ADAMTS12: variants seen among roughly 807,000 people sequenced by gnomAD.
The protein encoded by ADAMTS12 is A disintegrin and metalloproteinase with thrombospondin motifs 12.
A neutral mutation model predicts 167.8 loss-of-function variants in ADAMTS12; 118 were observed. That is an observed-to-expected ratio of 0.70 (90% CI 0.61 to 0.82). The LOEUF is 0.82. Among genes scored for constraint, ADAMTS12 ranks in the 40% least tolerant of loss-of-function variants. The pLI, the probability that ADAMTS12 is intolerant of heterozygous loss-of-function variation, is 0.00. For missense variants in ADAMTS12, 1,916 were observed against 1,998.8 expected, an observed-to-expected ratio of 0.96 and a Z score of 0.79; for synonymous variants, 704 against 716.9, an observed-to-expected ratio of 0.98 and a Z score of 0.29.
At chr5:33,799,077 A>T (rs980074599) in intron 2 of ADAMTS12, among the ~76,000 whole-genome samples, 6 of 152,102 alleles carry the variant, frequency 3.9e-5, no homozygotes, top group African/African-American at 1.4e-4. Flanking sequence ...CAAATATACA[A>T]GCAGTGGCTC....
chr5:33,834,574 C>T (rs1038121031), intron 2 of ADAMTS12, among the ~76,000 whole-genome samples: 1 of 152,130 alleles, frequency 6.6e-6, no homozygotes, highest in Non-Finnish European at 1.5e-5. Flanking sequence ...GCTTGCATTC[C>T]GAAAGGCCAG....
intron 22 of ADAMTS12, among the ~76,000 whole-genome samples, chr5:33,541,580 G>A (rs1012013174): frequency 6.6e-6 from 1 of 152,210 alleles, no homozygotes; most frequent in South Asian, 2.1e-4. Context: ...AGGGGAGCCA[G>A]AGAGAAAGGT....
intron 2 of ADAMTS12, among the ~76,000 whole-genome samples, chr5:33,758,273 CCT>C (rs1194832304): frequency 6.6e-6 from 1 of 152,066 alleles, no homozygotes; most frequent in Non-Finnish European, 1.5e-5. Context: ...AAAGCTACCC[CCT>C]GTCATACTGG....
At chr5:33,682,956 G>GA in intron 5 of ADAMTS12, 62 bp downstream of exon 5, 3 of 1,434,258 alleles carry the variant, frequency 2.1e-6, no homozygotes, top group African/African-American at 1.4e-5. Flanking sequence ...GAACTCCCCT[G>GA]AAAAAAAGAA....
intron 2 of ADAMTS12, among the ~76,000 whole-genome samples, chr5:33,865,256 T>C (rs1413280143): frequency 6.6e-6 from 1 of 151,942 alleles, no homozygotes; most frequent in African/African-American, 2.4e-5. Flanking sequence ...AATCCAACAG[T>C]ATATCAGAAA....
rs770477406 is a variant in ADAMTS12, at chr5:33,641,836, G to A, written c.1692C>T (p.Ser564=). The part of the protein sequence containing the change: ...CSRTCGAGVQ[S]AERLCNNPEP... ...CGGGGTTGTTGCAGAGCCTCTCTGC[G>A]CTCTGGACTCCAGCCCCACAGGTCC... The change falls in exon 11 of 24, where the codon AGC becomes AGT. Residue 564 remains serine, a synonymous_variant. Coordinates refer to ENST00000504830, the MANE Select transcript of ADAMTS12 (RefSeq NM_030955.4). 23 of 1,612,686 alleles carry A rather than the reference G, an allele frequency of 1.4e-5. No homozygotes were observed. Among genetic ancestry groups the A allele is most frequent in the South Asian group, 7.7e-5 (7 of 90,888 alleles).
At chr5:33,866,718 G>A (rs1749836509) in intron 2 of ADAMTS12, among the ~76,000 whole-genome samples, 1 of 151,758 alleles carries the variant, frequency 6.6e-6, no homozygotes, top group African/African-American at 2.4e-5. Flanking sequence ...CCAATGTCCA[G>A]AATCTACAAG....
intron 3 of ADAMTS12, among the ~76,000 whole-genome samples, chr5:33,719,734 A>C (rs1480933570): frequency 6.6e-6 from 1 of 152,240 alleles, no homozygotes; most frequent in Admixed American, 6.5e-5. Flanking sequence ...CTGGAACTTA[A>C]GTCTATTTAT....
At chr5:33,626,935 AATG>A (rs1185955572) in intron 13 of ADAMTS12, among the ~76,000 whole-genome samples, 4 of 135,050 alleles carry the variant, frequency 3.0e-5, no homozygotes, top group African/African-American at 8.5e-5. Context: ...TGGTAGTAGT[AATG>A]ATGATTTGCT....
intron 2 of ADAMTS12, among the ~76,000 whole-genome samples, chr5:33,815,265 T>C (rs900427526): frequency 1.3e-5 from 2 of 152,140 alleles, no homozygotes; most frequent in Non-Finnish European, 2.9e-5. Context: ...ATTAAAGTCA[T>C]AGATTGAAGC....
chr5:33,824,798 G>C (rs188481132), intron 2 of ADAMTS12, among the ~76,000 whole-genome samples: 2 of 152,246 alleles, frequency 1.3e-5, no homozygotes, highest in East Asian at 3.9e-4. Flanking sequence ...GCTCTGTAAA[G>C]TTACACAGTT....
chr5:33,843,589 G>A (rs967323335), intron 2 of ADAMTS12, among the ~76,000 whole-genome samples: 1 of 152,194 alleles, frequency 6.6e-6, no homozygotes, highest in Non-Finnish European at 1.5e-5. Context: ...TGTCAGAGAA[G>A]ATATTTTCAT....
At chr5:33,741,519 G>C (rs1379137388) in intron 3 of ADAMTS12, among the ~76,000 whole-genome samples, 1 of 152,138 alleles carries the variant, frequency 6.6e-6, no homozygotes, top group African/African-American at 2.4e-5. Flanking sequence ...GGGGGTCAGG[G>C]CTTCAACATA....
At chr5:33,692,458 ATAG>A (rs1383599122) in intron 3 of ADAMTS12, among the ~76,000 whole-genome samples, 129 of 152,334 alleles carry the variant, frequency 8.5e-4, no homozygotes, top group African/African-American at 3.0e-3. Flanking sequence ...TTCAACTTGA[ATAG>A]AAGAGGGCTG....
chr5:33,706,597 T>C lies in ADAMTS12; in HGVS notation c.635-22542A>G, dbSNP rs535605871. On this transcript the variant is annotated intron_variant, in intron 3 of 23. Transcript: ENST00000504830. The stretch of plus-strand genomic sequence containing the variant: ...ATACAGCACACCGATGGGTCTTGAC[T>C]CTTTATCCAATTTGCCAGTCTTTCT... Among the ~76,000 whole-genome samples the C allele has an allele frequency of 3.9e-5, 6 of 152,334 alleles. No individual in the cohort carries two copies. The South Asian group carries it at 1.2e-3, about 32-fold the overall frequency.
intron 16 of ADAMTS12, 73 bp from the exon 17 acceptor site, chr5:33,596,133 G>T: frequency 6.4e-7 from 1 of 1,563,260 alleles, no homozygotes. Flanking sequence ...TGAGGTACCT[G>T]ACCACGTCAA....
chr5:33,523,982 G>C lies in ADAMTS12; in HGVS notation c.*3206C>G, dbSNP rs1743693941. 1 of 152,150 alleles carries C rather than the reference G, an allele frequency of 6.6e-6. No individual in the cohort carries two copies. Among genetic ancestry groups the C allele is most frequent in the Admixed American group, 6.5e-5 (1 of 15,282 alleles). The allele number at this position is 152,150 out of a possible 1,614,324, so 9.4% of individuals were successfully genotyped here. ...GCACTCTCTGGAGTAGCAGTGTGCAGCTTTCAGAGTTTGGAAGATTTTAGT... is the reference window on the plus strand; with the variant it reads ...GCACTCTCTGGAGTAGCAGTGTGCACCTTTCAGAGTTTGGAAGATTTTAGT... On this transcript the variant is annotated 3_prime_UTR_variant, in exon 24 of 24. Transcript: ENST00000504830.
At chr5:33,870,258 G>A (rs1336478434) in intron 2 of ADAMTS12, among the ~76,000 whole-genome samples, 1 of 152,188 alleles carries the variant, frequency 6.6e-6, no homozygotes, top group African/African-American at 2.4e-5. Flanking sequence ...AGCTTATGAA[G>A]ATGATGGGAT....
chr5:33,816,535 T>C lies in ADAMTS12; in HGVS notation c.489+64584A>G, dbSNP rs377159237. 1.8e-3 allele frequency among the ~76,000 whole-genome samples: 273 copies of C among 152,270 alleles called. 7 individuals carry two copies. In the South Asian group the frequency reaches 0.055, roughly 31 times the overall value. The stretch of plus-strand genomic sequence containing the variant: ...TCTTCCCTTCACCCCCATTCTACTC[T>C]CTGCTTCTATGAGGATTATAACCTC... On this transcript the variant is annotated intron_variant, in intron 2 of 23. Coordinates refer to ENST00000504830, the MANE Select transcript of ADAMTS12 (RefSeq NM_030955.4).
Sources: gnomAD v4.1 joint callset for allele counts (sites outside exome capture counted in the v4.1 genomes callset) on GRCh38, gnomAD v4.1.1 for gene constraint, MANE v1.5 for transcripts, NCBI Gene and HGNC (gene_info 2026-07-23, HGNC 2026-07-21) for gene names.